Variants in HDLBP observed in about 807,000 individuals in gnomAD.
HDLBP encodes the protein high density lipoprotein binding protein.
In HDLBP, 30 loss-of-function variants were observed where a neutral mutation model predicts 137.3. The ratio of observed to expected loss-of-function variants is 0.22; its 90% CI spans 0.16 to 0.30. The LOEUF (loss-of-function observed/expected upper bound fraction) is 0.30, where lower values mean the gene tolerates loss of function less well. Ranked by LOEUF, HDLBP falls within the 10% of genes least tolerant of loss-of-function variation. The pLI is 1.00. For synonymous variants in HDLBP, 606 were observed against 596.0 expected (o/e 1.02, Z -0.24); for missense variants, 1,119 against 1,667.3 (o/e 0.67, Z 5.73).
intron 5 of HDLBP, among the ~76,000 whole-genome samples, chr2:241,257,809 G>A (rs1250145427): frequency 2.0e-5 from 3 of 152,142 alleles, no homozygotes; most frequent in Admixed American, 2.0e-4. Flanking sequence ...GTTAACAGTG[G>A]TCCTAGACAT....
At chr2:241,267,761 C>A in intron 2 of HDLBP, 3 of 1,519,800 alleles carry the variant, frequency 2.0e-6, no homozygotes, top group Non-Finnish European at 2.6e-6. Flanking sequence ...GTAACAGACC[C>A]ACAAATTGCG....
At chr2:241,301,454 A>G (rs1434256541) in intron 1 of HDLBP, among the ~76,000 whole-genome samples, 1 of 152,256 alleles carries the variant, frequency 6.6e-6, no homozygotes, top group East Asian at 1.9e-4. Context: ...GTGAAAATTA[A>G]GAGTAATATA....
chr2:241,232,677 G>A (rs373978700), intron 24 of HDLBP, among the ~76,000 whole-genome samples: 19 of 152,046 alleles, frequency 1.2e-4, no homozygotes, highest in Admixed American at 3.3e-4. Context: ...GGCTGGGAGC[G>A]GTGGCTCACA....
chr2:241,286,099 G>A (rs767839807), intron 1 of HDLBP, among the ~76,000 whole-genome samples: 2 of 152,110 alleles, frequency 1.3e-5, no homozygotes, highest in Non-Finnish European at 2.9e-5. Flanking sequence ...TTAAATTTTT[G>A]TTCCACTTAA....
At chr2:241,276,380 A>T (rs2074387257) in intron 1 of HDLBP, among the ~76,000 whole-genome samples, 2 of 152,194 alleles carry the variant, frequency 1.3e-5, no homozygotes, top group Admixed American at 1.3e-4. Flanking sequence ...GTTACATTAT[A>T]CTGTATTAAT....
At chr2:241,307,874 A>ATT (rs202170688) in intron 1 of HDLBP, among the ~76,000 whole-genome samples, 28 of 141,308 alleles carry the variant, frequency 2.0e-4, no homozygotes, top group African/African-American at 6.7e-4. Flanking sequence ...CCTTGAACTA[A>ATT]TTTTTTTTTT....
intron 1 of HDLBP, among the ~76,000 whole-genome samples, chr2:241,302,103 A>G (rs1020944146): frequency 1.9e-3 from 295 of 151,716 alleles, no homozygotes; most frequent in African/African-American, 6.5e-3. Context: ...AAAAAAAAAA[A>G]ATTTAATTAG....
rs1481381791 is a variant in HDLBP at position 241,228,855 on chromosome 2, C to A, written c.*746G>T. Reference sequence around the variant, plus strand: ...CTGTGCGCATCTCAATCACAGCAGACACTGTGACGGCCACAGGGGACCCAG... The same window carrying A: ...CTGTGCGCATCTCAATCACAGCAGAAACTGTGACGGCCACAGGGGACCCAG... On this transcript the variant is annotated 3_prime_UTR_variant, in exon 28 of 28. Transcript: ENST00000310931. The A allele has an allele frequency of 6.5e-6, 1 of 152,936 alleles. No homozygotes were observed. The highest frequency in any genetic ancestry group is 1.5e-5 in the Non-Finnish European group (1 of 68,338). The allele number at this position is 152,936 out of a possible 1,614,324, so 9.5% of individuals were successfully genotyped here. A position where few individuals can be genotyped will look rare whatever the true frequency, so the allele number is the denominator to read the frequency against.
intron 1 of HDLBP, among the ~76,000 whole-genome samples, chr2:241,294,762 A>C (rs758975287): frequency 2.0e-5 from 3 of 152,212 alleles, no homozygotes; most frequent in African/African-American, 4.8e-5. Flanking sequence ...GGTCTGTTCT[A>C]GGGATACAGT....
At chr2:241,245,035 A>G (rs2071551589) in intron 16 of HDLBP, among the ~76,000 whole-genome samples, 1 of 152,144 alleles carries the variant, frequency 6.6e-6, no homozygotes, top group Non-Finnish European at 1.5e-5. Flanking sequence ...AAAATGATAC[A>G]TTCTGCTATG....
At chr2:241,302,777 C>T (rs1295374118) in intron 1 of HDLBP, 2 of 152,280 alleles carry the variant, frequency 1.3e-5, no homozygotes, top group Non-Finnish European at 2.9e-5. Context: ...TGTAAATCTC[C>T]TACTAGGCCA....
At chr2:241,241,587 A>C (rs2071235115) in intron 17 of HDLBP, among the ~76,000 whole-genome samples, 1 of 145,970 alleles carries the variant, frequency 6.9e-6, no homozygotes. Context: ...AAAAAAAAAA[A>C]AAAAAAAAAA....
chr2:241,248,439 C>T, intron 12 of HDLBP, 91 bp from the exon 13 acceptor site: 2 of 1,050,236 alleles, frequency 1.9e-6, no homozygotes, highest in South Asian at 1.3e-5. Flanking sequence ...GCCCTGGGCA[C>T]AGTCCTTCAT....
At chr2:241,261,321 A>C (rs2073158154) in intron 5 of HDLBP, among the ~76,000 whole-genome samples, 1 of 152,230 alleles carries the variant, frequency 6.6e-6, no homozygotes, top group African/African-American at 2.4e-5. Flanking sequence ...CAACTGAAAG[A>C]AACATCTTGG....
rs1194119761 is a variant in HDLBP at position 241,239,528 on chromosome 2, C to T, written c.2610+74G>A. 6.5e-6 allele frequency: 8 copies of T among 1,238,936 alleles called. No homozygotes were observed. The highest frequency in any genetic ancestry group is 4.4e-5 in the African/African-American group (3 of 68,040). The allele number at this position is 1,238,936 out of a possible 1,614,324, so 76.7% of individuals were successfully genotyped here. A position where few individuals can be genotyped will look rare whatever the true frequency, so the allele number is the denominator to read the frequency against. On this transcript the variant is annotated intron_variant, in intron 19 of 27. Transcript: ENST00000310931. This position sits in a 1 kb window ranked among gnomAD's most constrained non-coding sequence, Gnocchi z 4.6. The stretch of plus-strand genomic sequence containing the variant: ...GGAGTCACCTCCCTACAGGGTGGAG[C>T]GAACACTCATACACGGCTTCGGTGA...
At chr2:241,273,501 C>A in intron 1 of HDLBP, 1 of 739,346 alleles carries the variant, frequency 1.4e-6, no homozygotes, top group Non-Finnish European at 1.7e-6. Context: ...TCCCTACTCT[C>A]GGGGTCTCCA....
intron 1 of HDLBP, among the ~76,000 whole-genome samples, chr2:241,281,742 TTTA>T (rs1192848806): frequency 6.6e-6 from 1 of 152,224 alleles, no homozygotes; most frequent in African/African-American, 2.4e-5. Flanking sequence ...TCTAAAACAT[TTTA>T]TTATTAGTTT....
intron 11 of HDLBP, chr2:241,250,952 T>G (rs949261821): frequency 3.9e-5 from 6 of 152,000 alleles, no homozygotes; most frequent in African/African-American, 1.2e-4. Context: ...TAATGTTAGA[T>G]TTACACTACT....
intron 16 of HDLBP, 171 bp from the exon 17 acceptor site, chr2:241,242,849 G>A: frequency 1.6e-6 from 1 of 639,758 alleles, no homozygotes; most frequent in East Asian, 2.8e-5. Flanking sequence ...ACCTGCACGG[G>A]GGAGGAGAGT....
Sources: allele counts gnomAD v4.1 joint callset (sites outside exome capture counted in the v4.1 genomes callset), GRCh38; gene constraint gnomAD v4.1.1; non-coding constraint Gnocchi (gnomAD v3.1); transcripts MANE v1.5; gene names NCBI Gene and HGNC (gene_info 2026-07-23, HGNC 2026-07-21).